Variants in RPS6KA1 observed in about 807,000 individuals in gnomAD.
RPS6KA1 encodes the protein ribosomal protein S6 kinase A1, also known as ribosomal protein S6 kinase alpha-1.
In RPS6KA1, 48 loss-of-function variants were observed where a neutral mutation model predicts 91.3. The ratio of observed to expected loss-of-function variants is 0.53; its 90% confidence interval spans 0.42 to 0.67. The LOEUF is 0.67. Among genes scored for constraint, RPS6KA1 ranks in the 30% least tolerant of loss-of-function variants. RPS6KA1 has a pLI of 0.00. For missense variants in RPS6KA1, 719 were observed against 960.5 expected (o/e 0.75, Z 3.32); for synonymous variants, 359 against 384.7 (o/e 0.93, Z 0.78).
In RPS6KA1 at chr1:26,561,776, G is replaced by A; in HGVS notation, c.1590+113G>A. Reference sequence around the variant, plus strand: ...GCAGCCTCCAGCTAGCCAAACTGAGGGGACACTAGGGCTGGGTGGGTGGAT... The same window carrying A: ...GCAGCCTCCAGCTAGCCAAACTGAGAGGACACTAGGGCTGGGTGGGTGGAT... On this transcript the variant is annotated intron_variant, in intron 17 of 21. Coordinates refer to ENST00000374168, the MANE Select transcript of RPS6KA1 (RefSeq NM_002953.4). The surrounding 1 kb of genome is among the most constrained non-coding windows in gnomAD (Gnocchi z 5.7). The A allele has an allele frequency of 9.3e-7, 1 of 1,070,932 alleles. No homozygotes were observed. The highest frequency in any genetic ancestry group is 1.5e-5 in the South Asian group (1 of 65,220). 66.3% of individuals were successfully genotyped at this position (1,070,932 alleles called of 1,614,324 possible).
At chr1:26,567,420 A>G (rs2076212520) in intron 17 of RPS6KA1, among the ~76,000 whole-genome samples, 1 of 151,956 alleles carries the variant, frequency 6.6e-6, no homozygotes, top group South Asian at 2.1e-4. Context: ...TAGCTCTGTC[A>G]CCCAGGCTGG....
chr1:26,533,927 CA>C, intron 1 of RPS6KA1, among the ~76,000 whole-genome samples: 1 of 152,240 alleles, frequency 6.6e-6, no homozygotes. Flanking sequence ...ACCCCCCTAC[CA>C]GTCTGTTCTC....
chr1:26,535,018 G>A (rs1318953009), intron 1 of RPS6KA1, among the ~76,000 whole-genome samples: 1 of 152,188 alleles, frequency 6.6e-6, no homozygotes, highest in Non-Finnish European at 1.5e-5. Flanking sequence ...GAGTGGGGAA[G>A]GCTGTGGGGC....
intron 21 of RPS6KA1, 128 bp downstream of exon 21, chr1:26,573,489 A>C (rs892741225): frequency 1.1e-5 from 12 of 1,104,420 alleles, no homozygotes; most frequent in Middle Eastern, 2.3e-4. Context: ...TAGGAGAAGA[A>C]GACACAGCCC....
intron 17 of RPS6KA1, among the ~76,000 whole-genome samples, chr1:26,570,849 G>A (rs1003297415): frequency 3.9e-5 from 6 of 152,194 alleles, no homozygotes; most frequent in East Asian, 3.9e-4. Flanking sequence ...AGGGCCAGGC[G>A]TGGTGGCTCA....
chr1:26,555,815 G>C lies in RPS6KA1; in HGVS notation c.916+190G>C, dbSNP rs1173263889. Among the ~76,000 whole-genome samples the C allele has an allele frequency of 6.6e-6, 1 of 152,102 alleles. No individual in the cohort carries two copies. Among genetic ancestry groups the C allele is most frequent in the Non-Finnish European group, 1.5e-5 (1 of 68,022 alleles). On this transcript the variant is annotated intron_variant, in intron 11 of 21. Coordinates refer to ENST00000374168, the MANE Select transcript of RPS6KA1 (RefSeq NM_002953.4). The surrounding 1 kb of genome is among the most constrained non-coding windows in gnomAD (Gnocchi z 4.3). ...GAGGGGGGAGTTGACCTGTGTGTAGGGGGAAGGCAGGAACTGAGTCATCCC... is the reference window on the plus strand; with the variant it reads ...GAGGGGGGAGTTGACCTGTGTGTAGCGGGAAGGCAGGAACTGAGTCATCCC...
Position 26,558,672 on chromosome 1 carries a change from C to A in RPS6KA1, c.1085-135C>A. The stretch of plus-strand genomic sequence containing the variant: ...CAGTTGGGCCAAGGCCTGTGATGGA[C>A]AGGCCCTCTGCAGGCTCCCGCCACG... On this transcript the variant is annotated intron_variant, in intron 13 of 21. Coordinates refer to ENST00000374168, the MANE Select transcript of RPS6KA1 (RefSeq NM_002953.4). The surrounding 1 kb of genome is among the most constrained non-coding windows in gnomAD (Gnocchi z 4.0). 1.0e-6 allele frequency: 1 copy of A among 977,724 alleles called. No individual in the cohort carries two copies. Among genetic ancestry groups the A allele is most frequent in the Non-Finnish European group, 1.5e-6 (1 of 645,302 alleles). The allele number at this position is 977,724 out of a possible 1,614,324, so 60.6% of individuals were successfully genotyped here.
At chr1:26,567,163 A>G (rs2076210080) in intron 17 of RPS6KA1, among the ~76,000 whole-genome samples, 1 of 151,816 alleles carries the variant, frequency 6.6e-6, no homozygotes, top group African/African-American at 2.4e-5. Flanking sequence ...AGCTAGGACT[A>G]CAGGCGTGCC....
chr1:26,543,115 AGTAG>A, intron 2 of RPS6KA1: 11 of 1,533,942 alleles, frequency 7.2e-6, no homozygotes, highest in Non-Finnish European at 8.7e-6. Flanking sequence ...AAAAAGCAGA[AGTAG>A]GAAGAGTAAC....
intron 1 of RPS6KA1, among the ~76,000 whole-genome samples, chr1:26,536,036 C>T (rs1394675868): frequency 2.6e-5 from 4 of 152,068 alleles, no homozygotes; most frequent in African/African-American, 9.7e-5. Context: ...CGCCTGTAAT[C>T]CCAGCTACTT....
At chr1:26,562,058 G>T (rs2076158596) in intron 17 of RPS6KA1, among the ~76,000 whole-genome samples, 1 of 152,060 alleles carries the variant, frequency 6.6e-6, no homozygotes, top group South Asian at 2.1e-4. Flanking sequence ...AAAAAAATTA[G>T]CCGGGTGTGG....
chr1:26,574,344 T>A lies in RPS6KA1; in HGVS notation c.*143T>A, dbSNP rs949843985. 4 of 987,522 alleles carry A rather than the reference T, an allele frequency of 4.1e-6. No individual in the cohort carries two copies. Among genetic ancestry groups the A allele is most frequent in the Non-Finnish European group, 6.5e-6 (4 of 611,168 alleles). The allele number at this position is 987,522 out of a possible 1,614,324, so 61.2% of individuals were successfully genotyped here. On this transcript the variant is annotated 3_prime_UTR_variant, in exon 22 of 22. Transcript: ENST00000374168. The surrounding 1 kb of genome is among the most constrained non-coding windows in gnomAD (Gnocchi z 4.3). ...AGCTGCCAGCCCAGAACACCCCTAA[T>A]GAGGGTGTGAGAAGTGCCTTCTCCT...
At chr1:26,549,723 A>G (rs78506391) in intron 4 of RPS6KA1, among the ~76,000 whole-genome samples, 2,129 of 117,834 alleles carry the variant, frequency 0.018, 67 homozygotes, top group African/African-American at 0.064. Flanking sequence ...CTTTCCCGAG[A>G]TGGAGTCTCA....
Position 26,554,416 on chromosome 1 carries a change from T to TCCCA in RPS6KA1, c.613+166_613+169dup. 1 of 1,106,274 alleles carries TCCCA rather than the reference T, an allele frequency of 9.0e-7. No homozygotes were observed. Among genetic ancestry groups the TCCCA allele is most frequent in the Non-Finnish European group, 1.3e-6 (1 of 764,176 alleles). The allele number at this position is 1,106,274 out of a possible 1,614,324, so 68.5% of individuals were successfully genotyped here. On this transcript the variant is annotated intron_variant, in intron 8 of 21. Transcript: ENST00000374168. The surrounding 1 kb of genome is among the most constrained non-coding windows in gnomAD (Gnocchi z 4.6). Reference sequence around the variant, plus strand: ...AGACTTGGAACACCCTCAGCTGGAATCCCAGCCCCTCATTGTGTAACGTTG... The same window carrying TCCCA: ...AGACTTGGAACACCCTCAGCTGGAATCCCACCCAGCCCCTCATTGTGTAACGTTG...
At chr1:26,545,883 C>T (rs760314387) in intron 2 of RPS6KA1, 168 of 1,557,708 alleles carry the variant, frequency 1.1e-4, no homozygotes, top group Non-Finnish European at 1.4e-4. Context: ...GCCATGGTGC[C>T]GTGGCCCTGC....
chr1:26,574,060 C>T lies in RPS6KA1; in HGVS notation c.2086-19C>T, dbSNP rs2076274564. 7 of 1,611,574 alleles carry T rather than the reference C, an allele frequency of 4.3e-6. No individual in the cohort carries two copies. The highest frequency in any genetic ancestry group is 1.3e-5 in the African/African-American group (1 of 75,008). ...ACATCTCCCACCATTGTGACCTGAC[C>T]TCCCCACTTCTCTTTCAGGGAGCCA... On this transcript the variant is annotated intron_variant, in intron 21 of 21. Transcript: ENST00000374168. The surrounding 1 kb of genome is among the most constrained non-coding windows in gnomAD (Gnocchi z 4.3).
At position 26,571,121 on chromosome 1, in the gene RPS6KA1, C is replaced by CA. The variant is rs1210456306; in HGVS notation, c.1591-318dup. 925 of 205,970 alleles carry CA rather than the reference C, an allele frequency of 4.5e-3. No homozygotes were observed. Among genetic ancestry groups the CA allele is most frequent in the Middle Eastern group, 8.9e-3 (5 of 562 alleles). The allele number at this position is 205,970 out of a possible 1,614,324, so 12.8% of individuals were successfully genotyped here. On this transcript the variant is annotated intron_variant, in intron 17 of 21. Coordinates refer to ENST00000374168, the MANE Select transcript of RPS6KA1 (RefSeq NM_002953.4). This position sits in a 1 kb window ranked among gnomAD's most constrained non-coding sequence, Gnocchi z 5.1. ...TGGGTGACAGAGGAAGACTCCATCTCAAAAAAAAAAGACTTTTAAGATTTT... is the reference window on the plus strand; with the variant it reads ...TGGGTGACAGAGGAAGACTCCATCTCAAAAAAAAAAAGACTTTTAAGATTTT...
Position 26,572,229 on chromosome 1 carries a change from G to T in RPS6KA1, c.1883G>T (p.Arg628Leu). ...PSDTPEEILT[R>L]IGSGKFTLSG... ...GACACACCAGAGGAAATCCTAACCC[G>T]GATCGGCAGTGGGAAGTTTACCCTC... Residue 628 changes from arginine (R) to leucine (L), a missense_variant, in exon 20 of 22, where the codon CGG becomes CTG. By Grantham distance (102) the Arg-to-Leu change is moderately radical. This residue lies in a region of RPS6KA1 where 249 missense variants were observed against 323.1 expected (regional missense o/e 0.77). Transcript: ENST00000374168. The T allele has an allele frequency of 6.2e-7, 1 of 1,613,972 alleles. No homozygotes were observed. Among genetic ancestry groups the T allele is most frequent in the Non-Finnish European group, 8.5e-7 (1 of 1,180,002 alleles).
Position 26,555,503 on chromosome 1 carries a change from G to T in RPS6KA1, c.828-34G>T. 6.4e-7 allele frequency: 1 copy of T among 1,552,612 alleles called. No individual in the cohort carries two copies. Among genetic ancestry groups the T allele is most frequent in the South Asian group, 1.2e-5 (1 of 84,826 alleles). The stretch of plus-strand genomic sequence containing the variant: ...GGGGAGATGGGGCCTCTGGGGCAGG[G>T]CTCAGCCTTGATGAGTCCCGGGGGC... On this transcript the variant is annotated intron_variant, in intron 10 of 21. Transcript: ENST00000374168. The surrounding 1 kb of genome is among the most constrained non-coding windows in gnomAD (Gnocchi z 4.3).
Sources: allele counts gnomAD v4.1 joint callset (sites outside exome capture counted in the v4.1 genomes callset), GRCh38; gene constraint gnomAD v4.1.1; regional missense constraint gnomAD v4.1.1; non-coding constraint Gnocchi (gnomAD v3.1); transcripts MANE v1.5; gene names NCBI Gene and HGNC (gene_info 2026-07-23, HGNC 2026-07-21).